Variants in CXCR5 observed in about 807,000 individuals in gnomAD.
CXCR5 encodes the protein C-X-C chemokine receptor type 5.
Under a neutral mutation model 5.6 loss-of-function variants are expected in CXCR5, and 3 were observed. That is an observed-to-expected ratio of 0.54 (90% confidence interval 0.24 to 1.39). The LOEUF (loss-of-function observed/expected upper bound fraction) is 1.39, where lower values mean the gene tolerates loss of function less well. Ranked by LOEUF, CXCR5 falls within the 40% of genes most tolerant of loss-of-function variation. CXCR5 has a pLI of 0.16. For synonymous variants in CXCR5, 218 were observed against 219.9 expected (o/e 0.99, Z 0.08); for missense variants, 333 against 494.6 (o/e 0.67, Z 3.10).
chr11:118,893,551 G>A lies in CXCR5; in HGVS notation c.52-45G>A, dbSNP rs1414420798. Reference sequence around the variant, plus strand: ...GCTAGGGTTCCTCTCAGAGAGGAAAGACAGGTCCTTAGGTCCTCACCCTCC... The same window carrying A: ...GCTAGGGTTCCTCTCAGAGAGGAAAAACAGGTCCTTAGGTCCTCACCCTCC... On this transcript the variant is annotated intron_variant, in intron 1 of 1. Coordinates refer to ENST00000292174, the MANE Select transcript of CXCR5 (RefSeq NM_001716.5). The surrounding 1 kb of genome is among the most constrained non-coding windows in gnomAD (Gnocchi z 5.7). 6.6e-7 allele frequency: 1 copy of A among 1,520,654 alleles called. No homozygotes were observed. Among genetic ancestry groups the A allele is most frequent in the African/African-American group, 1.4e-5 (1 of 71,998 alleles). 94.2% of individuals were successfully genotyped at this position (1,520,654 alleles called of 1,614,324 possible).
At chr11:118,889,028 C>G (rs1235136713) in intron 1 of CXCR5, among the ~76,000 whole-genome samples, 1 of 152,156 alleles carries the variant, frequency 6.6e-6, no homozygotes, top group East Asian at 1.9e-4. Flanking sequence ...AGCCTGCATC[C>G]TACAGTGGAG....
intron 1 of CXCR5, among the ~76,000 whole-genome samples, chr11:118,891,742 A>G (rs1485778771): frequency 6.6e-6 from 1 of 151,924 alleles, no homozygotes; most frequent in Non-Finnish European, 1.5e-5. Flanking sequence ...GTGGTGGCAG[A>G]TGCCTGGAAT....
rs768177800 is a variant in CXCR5 at position 118,895,009 on chromosome 11, A to T, written c.*346A>T. On this transcript the variant is annotated 3_prime_UTR_variant, in exon 2 of 2. Transcript: ENST00000292174. The surrounding 1 kb of genome is among the most constrained non-coding windows in gnomAD (Gnocchi z 4.2). ...AACAACTTCTACTTCTGCCCTTGCC[A>T]ACGGAGAGCGCCTGCCCCTCCCAGA... 4.4e-6 allele frequency: 1 copy of T among 227,000 alleles called. No homozygotes were observed. Among genetic ancestry groups the T allele is most frequent in the Non-Finnish European group, 9.2e-6 (1 of 108,138 alleles). The allele number at this position is 227,000 out of a possible 1,614,324, so 14.1% of individuals were successfully genotyped here. A position where few individuals can be genotyped will look rare whatever the true frequency, so the allele number is the denominator to read the frequency against.
Position 118,893,489 on chromosome 11 carries a change from G to C in CXCR5, c.52-107G>C. 1 of 1,470,222 alleles carries C rather than the reference G, an allele frequency of 6.8e-7. No homozygotes were observed. Among genetic ancestry groups the C allele is most frequent in the South Asian group, 1.6e-5 (1 of 64,118 alleles). The allele number at this position is 1,470,222 out of a possible 1,614,324, so 91.1% of individuals were successfully genotyped here. On this transcript the variant is annotated intron_variant, in intron 1 of 1. Transcript: ENST00000292174. This position sits in a 1 kb window ranked among gnomAD's most constrained non-coding sequence, Gnocchi z 5.7. ...ATTGAAATTTGAAACTTGACATTTG[G>C]TCAGTGGGCCCTATGTAGGAAAAAA... is the stretch of plus-strand genomic sequence containing the variant.
In CXCR5 at chr11:118,894,461, T is replaced by C. The variant is rs535463325; in HGVS notation, c.917T>C (p.Met306Thr). ...GGCTCTCTCCCCGTGGCCATCACCA[T>C]GTGTGAGTTCCTGGGCCTGGCCCAC... The part of the protein sequence containing the change: ...LNGSLPVAIT[M>T]CEFLGLAHCC... Residue 306 changes from methionine to threonine, a missense_variant, in exon 2 of 2, where the codon ATG (methionine) becomes ACG (threonine). By Grantham distance (81) the Met-to-Thr change is moderately conservative (BLOSUM62 -1). Coordinates refer to ENST00000292174, the MANE Select transcript of CXCR5 (RefSeq NM_001716.5). The surrounding 1 kb of genome is among the most constrained non-coding windows in gnomAD (Gnocchi z 6.1). 77 of 1,613,496 alleles carry C rather than the reference T, an allele frequency of 4.8e-5. No individual in the cohort carries two copies. The South Asian group carries it at 7.9e-4, about 17-fold the overall frequency.
At chr11:118,888,947 G>T (rs1264817981) in intron 1 of CXCR5, among the ~76,000 whole-genome samples, 1 of 152,214 alleles carries the variant, frequency 6.6e-6, no homozygotes, top group Non-Finnish European at 1.5e-5. Flanking sequence ...GCTGGCCAGT[G>T]CTGGGCAGTG....
chr11:118,886,545 C>CTA, intron 1 of CXCR5: 1 of 364,452 alleles, frequency 2.7e-6, no homozygotes, highest in South Asian at 2.1e-5. Context: ...AATTAGATGG[C>CTA]TAAGAACCAG....
chr11:118,894,657 G>A lies in CXCR5; in HGVS notation c.1113G>A (p.Thr371=), dbSNP rs373712013. 35 of 1,509,432 alleles carry A rather than the reference G, an allele frequency of 2.3e-5. No homozygotes were observed. Among genetic ancestry groups the A allele is most frequent in the Admixed American group, 1.1e-4 (5 of 43,826 alleles). The allele number at this position is 1,509,432 out of a possible 1,614,324, so 93.5% of individuals were successfully genotyped here. Residue 371 remains threonine (T), a synonymous_variant, in exon 2 of 2, where the codon ACG becomes ACA. Coordinates refer to ENST00000292174, the MANE Select transcript of CXCR5 (RefSeq NM_001716.5). This position sits in a 1 kb window ranked among gnomAD's most constrained non-coding sequence, Gnocchi z 6.1. ...SESENATSLT[T]F is the part of the protein sequence containing the mutation. ...CAGAGAATGCCACCTCTCTCACCAC[G>A]TTCTAGGTCCCAGTGTCCCCTTTTA...
At chr11:118,886,494 G>A (rs1188199641) in intron 1 of CXCR5, 8 of 389,442 alleles carry the variant, frequency 2.1e-5, no homozygotes, top group South Asian at 3.8e-5. Flanking sequence ...GGTGGGGACG[G>A]GCTGCTAATT....
At chr11:118,885,847 T>C (rs1392043435) in intron 1 of CXCR5, 2 of 155,036 alleles carry the variant, frequency 1.3e-5, no homozygotes, top group Non-Finnish European at 2.9e-5. Context: ...CAGCCAGGCA[T>C]TCCAATATCT....
In CXCR5 at chr11:118,897,474, G is replaced by A. The variant is rs777286144; in HGVS notation, c.*2811G>A. Reference sequence around the variant, plus strand: ...CCGGTGTGGGCAAACACACATGCACGTGCACACATGTTCTCCCTGAATCAC... The same window carrying A: ...CCGGTGTGGGCAAACACACATGCACATGCACACATGTTCTCCCTGAATCAC... On this transcript the variant is annotated 3_prime_UTR_variant, in exon 2 of 2. Coordinates refer to ENST00000292174, the MANE Select transcript of CXCR5 (RefSeq NM_001716.5). 3.3e-5 allele frequency: 10 copies of A among 303,038 alleles called. No individual in the cohort carries two copies. Among genetic ancestry groups the A allele is most frequent in the East Asian group, 1.1e-4 (1 of 9,160 alleles). The allele number at this position is 303,038 out of a possible 1,614,324, so 18.8% of individuals were successfully genotyped here.
At position 118,894,352 on chromosome 11, in the gene CXCR5, C is replaced by T; in HGVS notation, c.808C>T (p.Leu270Phe). The T allele has an allele frequency of 6.8e-6, 11 of 1,614,196 alleles. No individual in the cohort carries two copies. The highest frequency in any genetic ancestry group is 9.3e-6 in the Non-Finnish European group (11 of 1,180,034). Reference sequence around the variant, plus strand: ...CATCCTGGTGACAAGCATCTTCTTCCTCTGCTGGTCACCCTACCACATCGT... The same window carrying T: ...CATCCTGGTGACAAGCATCTTCTTCTTCTGCTGGTCACCCTACCACATCGT... The part of the protein sequence containing the change: ...VAILVTSIFF[L>F]CWSPYHIVIF... Residue 270 changes from leucine (L) to phenylalanine (F), a missense_variant, in exon 2 of 2, where the codon CTC (leucine) becomes TTC (phenylalanine). Physicochemically the swap from Leu to Phe is conservative, Grantham distance 22 (BLOSUM62 0). Coordinates refer to ENST00000292174, the MANE Select transcript of CXCR5 (RefSeq NM_001716.5). This position sits in a 1 kb window ranked among gnomAD's most constrained non-coding sequence, Gnocchi z 6.1.
rs904381267 is a variant in CXCR5, at chr11:118,895,000, G to C, written c.*337G>C. Reference sequence around the variant, plus strand: ...TGCTCAAGAAACAACTTCTACTTCTGCCCTTGCCAACGGAGAGCGCCTGCC... The same window carrying C: ...TGCTCAAGAAACAACTTCTACTTCTCCCCTTGCCAACGGAGAGCGCCTGCC... On this transcript the variant is annotated 3_prime_UTR_variant, in exon 2 of 2. Coordinates refer to ENST00000292174, the MANE Select transcript of CXCR5 (RefSeq NM_001716.5). The surrounding 1 kb of genome is among the most constrained non-coding windows in gnomAD (Gnocchi z 6.1). 1 of 249,816 alleles carries C rather than the reference G, an allele frequency of 4.0e-6. No individual in the cohort carries two copies. The highest frequency in any genetic ancestry group is 2.3e-5 in the African/African-American group (1 of 44,364). 15.5% of individuals were successfully genotyped at this position (249,816 alleles called of 1,614,324 possible). A position where few individuals can be genotyped will look rare whatever the true frequency, so the allele number is the denominator to read the frequency against.
At chr11:118,887,946 C>T (rs566470381) in intron 1 of CXCR5, among the ~76,000 whole-genome samples, 2 of 152,328 alleles carry the variant, frequency 1.3e-5, no homozygotes, top group African/African-American at 2.4e-5. Context: ...GAGTAAGCCA[C>T]GCATGCAGGC....
At chr11:118,887,212 C>T (rs990966419) in intron 1 of CXCR5, 4 of 984,232 alleles carry the variant, frequency 4.1e-6, no homozygotes, top group Non-Finnish European at 4.8e-6. Context: ...GCTGATCCCA[C>T]TCCTCTAGCA....
At chr11:118,887,586 G>A in intron 1 of CXCR5, 1 of 281,374 alleles carries the variant, frequency 3.6e-6, no homozygotes, top group South Asian at 1.4e-4. Context: ...GGCTGTGGGT[G>A]CGGCAAGGGA....
Position 118,893,997 on chromosome 11 carries a change from T to C in CXCR5, c.453T>C (p.Ile151=). Residue 151 remains isoleucine, a synonymous_variant, in exon 2 of 2, where the codon ATT becomes ATC. Coordinates refer to ENST00000292174, the MANE Select transcript of CXCR5 (RefSeq NM_001716.5). The surrounding 1 kb of genome is among the most constrained non-coding windows in gnomAD (Gnocchi z 5.7). Reference sequence around the variant, plus strand: ...TCGCCGTGGACCGCTACCTGGCCATTGTCCACGCCGTCCATGCCTACCGCC... The same window carrying C: ...TCGCCGTGGACCGCTACCTGGCCATCGTCCACGCCGTCCATGCCTACCGCC... ...ACIAVDRYLA[I]VHAVHAYRHR... 6.2e-7 allele frequency: 1 copy of C among 1,613,798 alleles called. No homozygotes were observed. The highest frequency in any genetic ancestry group is 1.6e-4 in the Middle Eastern group (1 of 6,062).
At chr11:118,886,158 G>A in intron 1 of CXCR5, 1 of 352,388 alleles carries the variant, frequency 2.8e-6, no homozygotes. Flanking sequence ...TTATTGATTT[G>A]TGATGCAGTA....
chr11:118,894,516 C>A lies in CXCR5; in HGVS notation c.972C>A (p.Phe324Leu). ...GCCTCAACCCCATGCTCTACACTTT[C>A]GCCGGCGTGAAGTTCCGCAGTGACC... ...HCCLNPMLYTFAGVKFRSDLS... is the reference protein window; with the variant it reads ...HCCLNPMLYTLAGVKFRSDLS... The change falls in exon 2 of 2, where the codon TTC becomes TTA. Residue 324 changes from phenylalanine (F) to leucine (L), a missense_variant. Coordinates refer to ENST00000292174, the MANE Select transcript of CXCR5 (RefSeq NM_001716.5). The surrounding 1 kb of genome is among the most constrained non-coding windows in gnomAD (Gnocchi z 6.1). 6.3e-7 allele frequency: 1 copy of A among 1,592,274 alleles called. No homozygotes were observed. Among genetic ancestry groups the A allele is most frequent in the Non-Finnish European group, 8.6e-7 (1 of 1,166,858 alleles).
Sources: allele counts gnomAD v4.1 joint callset (sites outside exome capture counted in the v4.1 genomes callset), GRCh38; gene constraint gnomAD v4.1.1; non-coding constraint Gnocchi (gnomAD v3.1); transcripts MANE v1.5; gene names NCBI Gene and HGNC (gene_info 2026-07-23, HGNC 2026-07-21).